Variants in PIGU observed in about 807,000 individuals in gnomAD.
The protein encoded by PIGU is phosphatidylinositol glycan anchor biosynthesis class U.
PIGU carries 24 observed loss-of-function variants against 49.9 expected under a neutral mutation model. The observed-to-expected ratio is 0.48, with a 90% confidence interval of 0.35 to 0.68. The LOEUF (loss-of-function observed/expected upper bound fraction) is 0.68. PIGU is among the 30% of genes least tolerant of loss of function. The pLI is 0.01. For missense variants in PIGU, 490 were observed against 532.6 expected (o/e 0.92, Z 0.79); for synonymous variants, 220 against 205.7 (o/e 1.07, Z -0.59).
chr20:34,580,858 A>T (rs1292541040), intron 10 of PIGU, among the ~76,000 whole-genome samples: 2 of 152,100 alleles, frequency 1.3e-5, no homozygotes, highest in African/African-American at 4.8e-5. Context: ...CCACTAAGCC[A>T]CCTCTGAAGA....
intron 6 of PIGU, among the ~76,000 whole-genome samples, chr20:34,628,918 T>A (rs1568647630): frequency 6.6e-6 from 1 of 152,162 alleles, no homozygotes; most frequent in African/African-American, 2.4e-5. Flanking sequence ...TGGCCCCAAT[T>A]TCCCCCCACC....
intron 2 of PIGU, among the ~76,000 whole-genome samples, chr20:34,647,630 C>T (rs756708298): frequency 1.3e-5 from 2 of 152,038 alleles, no homozygotes. Flanking sequence ...TGGTCTCGAT[C>T]TCCTGACCTC....
At chr20:34,657,936 C>G (rs1437959636) in intron 1 of PIGU, among the ~76,000 whole-genome samples, 1 of 143,496 alleles carries the variant, frequency 7.0e-6, no homozygotes, top group African/African-American at 2.6e-5. Context: ...ACCTCTCCCT[C>G]TCCCTCTCCC....
chr20:34,627,914 T>C (rs973620698), intron 6 of PIGU, among the ~76,000 whole-genome samples: 1 of 152,160 alleles, frequency 6.6e-6, no homozygotes. Flanking sequence ...CAATTCAGGC[T>C]ATGCAATATC....
At chr20:34,607,715 A>T (rs1984668771) in intron 7 of PIGU, among the ~76,000 whole-genome samples, 1 of 152,162 alleles carries the variant, frequency 6.6e-6, no homozygotes, top group Non-Finnish European at 1.5e-5. Context: ...ACAGTGTAAC[A>T]AACAACTTCT....
intron 11 of PIGU, 99 bp from the exon 12 acceptor site, chr20:34,561,078 C>A: frequency 1.2e-6 from 1 of 800,482 alleles, no homozygotes. Context: ...CAGGAACGCC[C>A]CTGCCTGGCT....
intron 10 of PIGU, among the ~76,000 whole-genome samples, chr20:34,576,590 C>G (rs1568622724): frequency 1.3e-5 from 2 of 152,268 alleles, no homozygotes; most frequent in East Asian, 3.9e-4. Context: ...CTCAGACCTT[C>G]TCTTCTGCCT....
chr20:34,667,304 C>T (rs1042134131), intron 1 of PIGU, among the ~76,000 whole-genome samples: 1 of 152,108 alleles, frequency 6.6e-6, no homozygotes, highest in African/African-American at 2.4e-5. Flanking sequence ...GCCTAAGAAG[C>T]AGCATCACTC....
At chr20:34,608,625 A>G (rs532367049) in intron 7 of PIGU, among the ~76,000 whole-genome samples, 2 of 152,294 alleles carry the variant, frequency 1.3e-5, no homozygotes, top group South Asian at 2.1e-4. Flanking sequence ...GAGGGCTTGA[A>G]AAAAACTCAG....
chr20:34,634,445 T>C (rs969381272), intron 6 of PIGU, among the ~76,000 whole-genome samples, 170 bp downstream of exon 6: 1 of 152,130 alleles, frequency 6.6e-6, no homozygotes, highest in Non-Finnish European at 1.5e-5. Flanking sequence ...TTAATTTTTT[T>C]CTCTTGCCAT....
At chr20:34,619,730 A>G (rs1424702422) in intron 6 of PIGU, among the ~76,000 whole-genome samples, 2 of 152,192 alleles carry the variant, frequency 1.3e-5, no homozygotes, top group Non-Finnish European at 1.5e-5. Context: ...AAGAGAGAAA[A>G]AGAGGCTCAC....
chr20:34,561,803 C>T (rs1445341699), intron 11 of PIGU, among the ~76,000 whole-genome samples: 4 of 151,998 alleles, frequency 2.6e-5, no homozygotes, highest in South Asian at 2.1e-4. Context: ...GTTCTCTCCC[C>T]GTTCATCTAG....
At chr20:34,637,588 C>T (rs1444750952) in intron 5 of PIGU, among the ~76,000 whole-genome samples, 2 of 152,154 alleles carry the variant, frequency 1.3e-5, no homozygotes, top group Non-Finnish European at 2.9e-5. Context: ...ACTTTAGAAA[C>T]ACTGGTTATA....
At chr20:34,576,186 G>A (rs1983225420) in intron 10 of PIGU, among the ~76,000 whole-genome samples, 1 of 151,820 alleles carries the variant, frequency 6.6e-6, no homozygotes, top group African/African-American at 2.4e-5. Flanking sequence ...ACCAGCCTGG[G>A]CAACATAGTG....
chr20:34,601,254 TA>T (rs1337696725), intron 7 of PIGU, among the ~76,000 whole-genome samples: 2 of 152,170 alleles, frequency 1.3e-5, no homozygotes, highest in African/African-American at 4.8e-5. Context: ...CAATAAATTT[TA>T]AGTATAATTC....
At position 34,657,581 on chromosome 20, in the gene PIGU, G is replaced by A. The variant is rs996047452; in HGVS notation, c.131-337C>T. On this transcript the variant is annotated intron_variant, in intron 1 of 11. Transcript: ENST00000217446. ...AGCACAATAAGATAACAAATTAGAA[G>A]CTGGTGAGAAATGTTGCCATAGTGT... Among the ~76,000 whole-genome samples, 71 of 152,280 alleles carry A rather than the reference G, an allele frequency of 4.7e-4. 1 individual carries two copies. Among genetic ancestry groups the A allele is most frequent in the African/African-American group, 1.7e-3 (71 of 41,566 alleles).
chr20:34,656,484 G>A (rs71337950), intron 2 of PIGU, among the ~76,000 whole-genome samples: 2 of 148,816 alleles, frequency 1.3e-5, no homozygotes, highest in Admixed American at 1.4e-4. Flanking sequence ...GGGTTTCACC[G>A]TGTTAGCCAG....
At chr20:34,584,334 T>A (rs919388508) in intron 9 of PIGU, among the ~76,000 whole-genome samples, 14 of 152,196 alleles carry the variant, frequency 9.2e-5, no homozygotes, top group African/African-American at 3.1e-4. Context: ...AGAAGAGGAC[T>A]CCACACATCC....
At chr20:34,675,294 A>C (rs1042653945) in intron 1 of PIGU, among the ~76,000 whole-genome samples, 1 of 150,236 alleles carries the variant, frequency 6.7e-6, no homozygotes, top group African/African-American at 2.4e-5. Context: ...ATGTGGAAAA[A>C]CCGGATATAA....
Sources: allele counts gnomAD v4.1 joint callset (sites outside exome capture counted in the v4.1 genomes callset), GRCh38; gene constraint gnomAD v4.1.1; transcripts MANE v1.5; gene names NCBI Gene and HGNC (gene_info 2026-07-23, HGNC 2026-07-21).